TENT2: variants seen among roughly 807,000 people sequenced by gnomAD.
TENT2 encodes the protein terminal nucleotidyltransferase 2, also known as poly(A) RNA polymerase GLD2.
Under a neutral mutation model 72.2 loss-of-function variants are expected in TENT2, and 44 were observed. The observed-to-expected ratio is 0.61, with a 90% confidence interval of 0.48 to 0.78. TENT2 has a LOEUF of 0.78. Among genes scored for constraint, TENT2 ranks in the 30% least tolerant of loss-of-function variants. The pLI, the probability that TENT2 is intolerant of heterozygous loss-of-function variation, is 0.00. For synonymous variants in TENT2, 212 were observed against 192.5 expected (o/e 1.10, Z -0.84); for missense variants, 541 against 569.6 (o/e 0.95, Z 0.51).
intron 12 of TENT2, among the ~76,000 whole-genome samples, chr5:79,675,966 CAGATAGAAGATGAGAA>C (rs1373538017): frequency 5.9e-5 from 9 of 152,122 alleles, no homozygotes; most frequent in Non-Finnish European, 1.3e-4. Context: ...TTTAAAGGTT[CAGATAGAAGATGAGAA>C]GCCAGTCAAA....
intron 12 of TENT2, among the ~76,000 whole-genome samples, chr5:79,670,038 G>A (rs960509558): frequency 2.0e-5 from 3 of 151,614 alleles, no homozygotes; most frequent in Admixed American, 6.6e-5. Flanking sequence ...AGACCAACAC[G>A]GAGAAACCCC....
rs540194493 is a variant in TENT2 at position 79,626,691 on chromosome 5, G to A, written c.465+3202G>A. On this transcript the variant is annotated intron_variant, in intron 4 of 14. Transcript: ENST00000453514. ...TACCCAGGCTGGTCTTGAACTCCTG[G>A]CCTCAAGTGATACTCCCTCATTGGC... 1.1e-4 allele frequency among the ~76,000 whole-genome samples: 16 copies of A among 150,092 alleles called. No individual in the cohort carries two copies. The East Asian group carries it at 3.2e-3, about 30-fold the overall frequency.
intron 11 of TENT2, among the ~76,000 whole-genome samples, chr5:79,665,942 A>G (rs1286126243): frequency 4.0e-5 from 6 of 151,864 alleles, no homozygotes; most frequent in Admixed American, 2.0e-4. Flanking sequence ...ATACATAACT[A>G]AAGTGGGGAA....
At chr5:79,625,148 T>A (rs1052210925) in intron 4 of TENT2, among the ~76,000 whole-genome samples, 6 of 152,222 alleles carry the variant, frequency 3.9e-5, no homozygotes, top group African/African-American at 1.2e-4. Context: ...CCCTAATGCC[T>A]AATGATATTG....
chr5:79,630,201 G>C (rs6862519), intron 4 of TENT2, among the ~76,000 whole-genome samples: 66,754 of 152,032 alleles, frequency 0.44, 17,810 homozygotes, highest in African/African-American at 0.75. Context: ...CAGGAAATTA[G>C]TGAGTGCTGA....
intron 11 of TENT2, among the ~76,000 whole-genome samples, chr5:79,668,344 CTCT>C (rs771228558): frequency 3.9e-5 from 6 of 152,162 alleles, no homozygotes; most frequent in Admixed American, 2.6e-4. Context: ...TTGAACATCT[CTCT>C]TCTTTTCCAT....
At position 79,688,111 on chromosome 5, in the gene TENT2, C is replaced by T. The variant is rs1265820160; in HGVS notation, c.*2838C>T. 1.3e-5 allele frequency among the ~76,000 whole-genome samples: 2 copies of T among 152,204 alleles called. No individual in the cohort carries two copies. Among genetic ancestry groups the T allele is most frequent in the African/African-American group, 4.8e-5 (2 of 41,438 alleles). ...ATCTGTACTGTAATTCAATGATTTA[C>T]AGTTCATTACCTCCAGACATAATGC... is the stretch of plus-strand genomic sequence containing the variant. On this transcript the variant is annotated 3_prime_UTR_variant, in exon 15 of 15. Transcript: ENST00000453514.
chr5:79,650,328 C>T (rs779212689), intron 10 of TENT2, among the ~76,000 whole-genome samples: 1 of 152,046 alleles, frequency 6.6e-6, no homozygotes, highest in Non-Finnish European at 1.5e-5. Context: ...ATGAAGCTTA[C>T]ATTTTTGACT....
intron 6 of TENT2, among the ~76,000 whole-genome samples, chr5:79,641,762 G>T (rs1484978150): frequency 1.3e-5 from 2 of 150,036 alleles, no homozygotes; most frequent in South Asian, 2.1e-4. Flanking sequence ...TACAGGTTGA[G>T]TATTCATTAT....
chr5:79,619,247 T>A (rs1239366210), intron 1 of TENT2, among the ~76,000 whole-genome samples: 1 of 152,322 alleles, frequency 6.6e-6, no homozygotes, highest in Non-Finnish European at 1.5e-5. Flanking sequence ...CATGTGATGG[T>A]TTATACCTTT....
At chr5:79,644,169 A>G (rs979912589) in intron 7 of TENT2, among the ~76,000 whole-genome samples, 2 of 151,964 alleles carry the variant, frequency 1.3e-5, no homozygotes, top group Non-Finnish European at 2.9e-5. Context: ...TTTAGTAGAG[A>G]CAGGGTTTCG....
chr5:79,637,129 A>C (rs1019044320), intron 4 of TENT2, among the ~76,000 whole-genome samples: 1 of 152,104 alleles, frequency 6.6e-6, no homozygotes, highest in African/African-American at 2.4e-5. Context: ...AGCTACTTGC[A>C]GGGCTGAGAT....
chr5:79,648,753 T>C (rs544905028), intron 9 of TENT2, 60 bp downstream of exon 9: 657 of 1,293,288 alleles, frequency 5.1e-4, no homozygotes, highest in Non-Finnish European at 6.4e-4. Flanking sequence ...TTTTTAAAGA[T>C]GTTTGGCATA....
intron 11 of TENT2, among the ~76,000 whole-genome samples, chr5:79,668,510 T>C (rs1453603789): frequency 6.6e-6 from 1 of 152,156 alleles, no homozygotes; most frequent in East Asian, 1.9e-4. Context: ...CCTTTATACA[T>C]GAAGTATAAC....
intron 10 of TENT2, among the ~76,000 whole-genome samples, chr5:79,654,299 T>C (rs1796331141): frequency 6.6e-6 from 1 of 151,916 alleles, no homozygotes; most frequent in South Asian, 2.1e-4. Context: ...GGCGTGGTAG[T>C]GCACGGCTGT....
In TENT2 at chr5:79,682,346, C is replaced by A. The variant is rs528611567; in HGVS notation, c.1380+285C>A. Among the ~76,000 whole-genome samples, 164 of 152,190 alleles carry A rather than the reference C, an allele frequency of 1.1e-3. 1 individual carries two copies. The highest frequency in any genetic ancestry group is 3.9e-3 in the African/African-American group (161 of 41,524). ...CCAGGCTGGAGTGTAGTGGCACAGT[C>A]TCAGCTCACTGCATCCTTCACCTCC... On this transcript the variant is annotated intron_variant, in intron 14 of 14. Transcript: ENST00000453514.
Position 79,647,247 on chromosome 5 carries a change from A to T in TENT2, c.822-1370A>T, listed in dbSNP as rs1789833058. Among the ~76,000 whole-genome samples the T allele has an allele frequency of 1.3e-5, 2 of 152,136 alleles. 1 individual carries two copies. The highest frequency in any genetic ancestry group is 4.1e-4 in the South Asian group (2 of 4,830). ...GTGTTTCTGGTTTTTAGATAATATA[A>T]ATAAGTATTTTGTGCATAAATGCTT... On this transcript the variant is annotated intron_variant, in intron 8 of 14. Transcript: ENST00000453514.
At chr5:79,670,563 T>A (rs768682792) in intron 12 of TENT2, among the ~76,000 whole-genome samples, 3 of 151,870 alleles carry the variant, frequency 2.0e-5, no homozygotes, top group Non-Finnish European at 4.4e-5. Context: ...GACCTAGTGA[T>A]CTGCCCGCCT....
In TENT2 at chr5:79,641,149, A is replaced by G. The variant is rs759006283; in HGVS notation, c.625A>G (p.Thr209Ala). 159 of 1,579,360 alleles carry G rather than the reference A, an allele frequency of 1.0e-4. No homozygotes were observed. The Middle Eastern group carries it at 1.5e-3, about 15-fold the overall frequency. Residue 209 changes from threonine (T) to alanine (A), a missense_variant, in exon 6 of 15, where the codon ACC becomes GCC. Transcript: ENST00000453514. ...TGGGTCCTCTTTAAATGGATTTGGT[A>G]CCCGGAGCAGTGATGGTGATTTATG... ...LVGSSLNGFG[T>A]RSSDGDLCLV...
Sources: gnomAD v4.1 joint callset for allele counts (sites outside exome capture counted in the v4.1 genomes callset) on GRCh38, gnomAD v4.1.1 for gene constraint, MANE v1.5 for transcripts, NCBI Gene and HGNC (gene_info 2026-07-23, HGNC 2026-07-21) for gene names.